ENTREP2: variants seen among roughly 807,000 people sequenced by gnomAD.
ENTREP2 encodes endosomal transmembrane epsin interactor 2, also known as protein ENTREP2.
At chr15:29,199,393 A>T in the ENTREP2 span, among the ~76,000 whole-genome samples, 1 of 152,212 alleles carries the variant, frequency 6.6e-6, no homozygotes, top group Non-Finnish European at 1.5e-5. Flanking sequence ...AGAATGGGAA[A>T]AGGATGTCCT....
At chr15:29,627,057 A>C in the ENTREP2 span, among the ~76,000 whole-genome samples, 1 of 151,302 alleles carries the variant, frequency 6.6e-6, no homozygotes, top group Non-Finnish European at 1.5e-5. Context: ...TTAATTTTTG[A>C]CCTTAGGATC....
the ENTREP2 span, among the ~76,000 whole-genome samples, chr15:29,159,627 A>G: frequency 1.2e-4 from 18 of 152,258 alleles, no homozygotes; most frequent in East Asian, 2.5e-3. Flanking sequence ...AAAGTTCTCC[A>G]TGTCACAACT....
chr15:29,445,623 A>T, the ENTREP2 span, among the ~76,000 whole-genome samples: 1 of 152,296 alleles, frequency 6.6e-6, no homozygotes, highest in Non-Finnish European at 1.5e-5. Flanking sequence ...ATAAGAGGTT[A>T]CCCTGTGCAT....
chr15:29,591,487 A>C, the ENTREP2 span, among the ~76,000 whole-genome samples: 1 of 152,162 alleles, frequency 6.6e-6, no homozygotes, highest in Non-Finnish European at 1.5e-5. Flanking sequence ...TTGAAATCCA[A>C]ATCTCCAGTA....
At chr15:29,451,642 G>C in the ENTREP2 span, among the ~76,000 whole-genome samples, 6 of 152,176 alleles carry the variant, frequency 3.9e-5, no homozygotes, top group Non-Finnish European at 2.9e-5. Context: ...CCCACCACGG[G>C]AGGGTCTTCA....
chr15:29,530,119 C>T, the ENTREP2 span, among the ~76,000 whole-genome samples: 16 of 152,074 alleles, frequency 1.1e-4, no homozygotes, highest in African/African-American at 2.9e-4. Flanking sequence ...CTCGGATGTA[C>T]GGAAGGCGCC....
chr15:29,381,841 C>G, the ENTREP2 span: 3 of 1,551,528 alleles, frequency 1.9e-6, no homozygotes, highest in Non-Finnish European at 2.6e-6. Flanking sequence ...CCTGGAAGGA[C>G]AAAAGATACA....
chr15:29,650,197 C>T, the ENTREP2 span, among the ~76,000 whole-genome samples: 1 of 151,726 alleles, frequency 6.6e-6, no homozygotes, highest in African/African-American at 2.4e-5. Context: ...AAAAGTTAGA[C>T]AATGGTTTTT....
At chr15:29,520,248 G>A in the ENTREP2 span, among the ~76,000 whole-genome samples, 1 of 152,136 alleles carries the variant, frequency 6.6e-6, no homozygotes, top group East Asian at 1.9e-4. Context: ...TTGAAGAATA[G>A]TTCTAGCTTC....
the ENTREP2 span, among the ~76,000 whole-genome samples, chr15:29,229,843 T>A: frequency 6.6e-6 from 1 of 152,170 alleles, no homozygotes; most frequent in Non-Finnish European, 1.5e-5. Context: ...TCAGTTGCTA[T>A]CTATAAACTA....
At chr15:29,563,751 C>T in the ENTREP2 span, among the ~76,000 whole-genome samples, 1 of 152,002 alleles carries the variant, frequency 6.6e-6, no homozygotes, top group African/African-American at 2.4e-5. Context: ...GCAGGAGAAT[C>T]GCTTGAACCC....
At chr15:29,448,214 TCTC>T in the ENTREP2 span, among the ~76,000 whole-genome samples, 1 of 152,188 alleles carries the variant, frequency 6.6e-6, no homozygotes, top group Admixed American at 6.5e-5. Context: ...GGGTCACCAT[TCTC>T]CGTTGACACA....
the ENTREP2 span, among the ~76,000 whole-genome samples, chr15:29,262,472 T>C: frequency 1.3e-5 from 2 of 152,192 alleles, no homozygotes; most frequent in Non-Finnish European, 2.9e-5. Flanking sequence ...TTCTGCACAG[T>C]TGTCAATCAT....
the ENTREP2 span, among the ~76,000 whole-genome samples, chr15:29,259,480 C>A: frequency 6.6e-6 from 1 of 151,912 alleles, no homozygotes; most frequent in African/African-American, 2.4e-5. Context: ...TAGTTCCAGC[C>A]GACACTTGAA....
chr15:29,199,005 C>T, the ENTREP2 span, among the ~76,000 whole-genome samples: 1 of 152,122 alleles, frequency 6.6e-6, no homozygotes, highest in African/African-American at 2.4e-5. Context: ...TGTCACGGGA[C>T]GTTTGGATTG....
chr15:29,459,199 C>T, the ENTREP2 span, among the ~76,000 whole-genome samples: 1 of 152,222 alleles, frequency 6.6e-6, no homozygotes, highest in African/African-American at 2.4e-5. Flanking sequence ...CCCAGCCAGA[C>T]TATCAGTCCT....
At chr15:29,160,238 CG>C in the ENTREP2 span, among the ~76,000 whole-genome samples, 3 of 152,164 alleles carry the variant, frequency 2.0e-5, no homozygotes, top group Non-Finnish European at 2.9e-5. Context: ...CGCGCAGCCC[CG>C]GTTCCCGCCC....
chr15:29,136,229 G>T, the ENTREP2 span: 1 of 923,882 alleles, frequency 1.1e-6, no homozygotes, highest in Non-Finnish European at 1.5e-6. Context: ...GGGGGCCTCG[G>T]CACAGGGCGC....
the ENTREP2 span, among the ~76,000 whole-genome samples, chr15:29,568,292 A>C: frequency 6.6e-6 from 1 of 152,234 alleles, no homozygotes; most frequent in African/African-American, 2.4e-5. Flanking sequence ...AATCTCCAAA[A>C]TGTAAGCAGA....
Sources: gnomAD v4.1 joint callset for allele counts (sites outside exome capture counted in the v4.1 genomes callset) on GRCh38, gnomAD v4.1.1 for gene constraint, MANE v1.5 for transcripts, NCBI Gene and HGNC (gene_info 2026-07-23, HGNC 2026-07-21) for gene names.